CDIN1: variants seen among roughly 807,000 people sequenced by gnomAD.
The protein encoded by CDIN1 is CDAN1-interacting nuclease 1.
In CDIN1, 33 loss-of-function variants were observed where a neutral mutation model predicts 45.3. The ratio of observed to expected loss-of-function variants is 0.73; its 90% confidence interval spans 0.55 to 0.97. The LOEUF (loss-of-function observed/expected upper bound fraction) is 0.97. Among genes scored for constraint, CDIN1 ranks in the 50% least tolerant of loss-of-function variants. CDIN1 has a pLI of 0.00. For missense variants in CDIN1, 303 were observed against 339.4 expected (o/e 0.89, Z 0.84); for synonymous variants, 118 against 124.4 (o/e 0.95, Z 0.34).
intron 10 of CDIN1, among the ~76,000 whole-genome samples, chr15:36,727,036 T>C (rs1855724435): frequency 6.6e-6 from 1 of 152,130 alleles, no homozygotes; most frequent in Non-Finnish European, 1.5e-5. Context: ...CTTTTATAAA[T>C]TCTTAGTAAA....
At chr15:36,773,503 AG>A (rs1343701374) in intron 10 of CDIN1, among the ~76,000 whole-genome samples, 2 of 152,204 alleles carry the variant, frequency 1.3e-5, no homozygotes, top group Non-Finnish European at 2.9e-5. Context: ...TGGACAGCAC[AG>A]GTCTAGATCT....
intron 5 of CDIN1, among the ~76,000 whole-genome samples, chr15:36,666,516 A>G (rs1944187011): frequency 6.6e-6 from 1 of 152,158 alleles, no homozygotes; most frequent in Non-Finnish European, 1.5e-5. Flanking sequence ...GTTCTTGGTT[A>G]TATTGTGCCT....
At chr15:36,627,303 G>A (rs1011696383) in intron 1 of CDIN1, 1 of 162,492 alleles carries the variant, frequency 6.2e-6, no homozygotes, top group Non-Finnish European at 1.4e-5. Flanking sequence ...CAGGAACTTG[G>A]AGCTGGAGAA....
chr15:36,654,293 C>T, intron 4 of CDIN1, 135 bp downstream of exon 4: 1 of 623,434 alleles, frequency 1.6e-6, no homozygotes, highest in Non-Finnish European at 2.8e-6. Context: ...AAATTGCTCC[C>T]TGATCTCTTT....
chr15:36,644,338 C>T lies in CDIN1; in HGVS notation c.147+15C>T. On this transcript the variant is annotated intron_variant, in intron 2 of 10. Transcript: ENST00000566621. The stretch of plus-strand genomic sequence containing the variant: ...AGGAGTACCAGGTTAGAAGTTTTCT[C>T]CTTTGTGAGGGTTGACAGGTGCCTA... 6.2e-7 allele frequency: 1 copy of T among 1,611,584 alleles called. No homozygotes were observed. The highest frequency in any genetic ancestry group is 1.1e-5 in the South Asian group (1 of 90,786).
chr15:36,773,369 C>G (rs1406940656), intron 10 of CDIN1, among the ~76,000 whole-genome samples: 1 of 152,218 alleles, frequency 6.6e-6, no homozygotes, highest in Non-Finnish European at 1.5e-5. Context: ...ACCATAATCA[C>G]TAGCCTTATA....
At chr15:36,776,465 C>G (rs2054220041) in intron 10 of CDIN1, among the ~76,000 whole-genome samples, 1 of 152,228 alleles carries the variant, frequency 6.6e-6, no homozygotes, top group African/African-American at 2.4e-5. Context: ...TTTCTACTTT[C>G]CCAGTTCTGC....
chr15:36,787,097 A>G (rs557684437), intron 10 of CDIN1, among the ~76,000 whole-genome samples: 3 of 152,076 alleles, frequency 2.0e-5, no homozygotes, highest in Admixed American at 6.6e-5. Context: ...CATCAGATTC[A>G]ATCTTTGTTT....
In CDIN1 at chr15:36,582,439, G is replaced by C. The variant is rs1272945448; in HGVS notation, c.101+2478G>C. On this transcript the variant is annotated intron_variant, in intron 1 of 10. Transcript: ENST00000566621. The stretch of plus-strand genomic sequence containing the variant: ...TTTAGTGAAAGTCTTGTTTTGTTTT[G>C]TTTTTCCTGCACGTGTGTGGCAGTG... Among the ~76,000 whole-genome samples, 3 of 152,096 alleles carry C rather than the reference G, an allele frequency of 2.0e-5. No individual in the cohort carries two copies. In the East Asian group the frequency reaches 5.8e-4, roughly 29 times the overall value.
intron 10 of CDIN1, among the ~76,000 whole-genome samples, chr15:36,791,028 G>A (rs118052972): frequency 0.027 from 4,168 of 152,200 alleles, 77 homozygotes; most frequent in Non-Finnish European, 0.042. Flanking sequence ...AGGTCCCAGT[G>A]TCTGTTGTTC....
rs367989849 is a variant in CDIN1 at position 36,657,859 on chromosome 15, T to G, written c.300T>G (p.Ala100=). The G allele has an allele frequency of 6.2e-7, 1 of 1,612,168 alleles. No homozygotes were observed. Among genetic ancestry groups the G allele is most frequent in the Non-Finnish European group, 8.5e-7 (1 of 1,179,124 alleles). ...NEVDYAPSLM[A]RLILERFLQE... ...TGGACTATGCGCCCTCATTAATGGC[T>G]CGGCTTATACTGGAGAGGTTTCTAC... The change falls in exon 5 of 11, where the codon GCT becomes GCG. Residue 100 remains alanine (A), a synonymous_variant. Coordinates refer to ENST00000566621, the MANE Select transcript of CDIN1 (RefSeq NM_001321759.2).
intron 1 of CDIN1, among the ~76,000 whole-genome samples, chr15:36,631,084 T>A (rs940663517): frequency 2.0e-5 from 3 of 152,186 alleles, no homozygotes; most frequent in Non-Finnish European, 4.4e-5. Context: ...ACTAGTATTT[T>A]GAAGGACTGA....
chr15:36,794,152 G>A (rs893168384), intron 10 of CDIN1, among the ~76,000 whole-genome samples: 53 of 146,994 alleles, frequency 3.6e-4, no homozygotes, highest in Middle Eastern at 3.9e-3. Flanking sequence ...TCCGCCTCCC[G>A]GGTTCACTCC....
At chr15:36,746,929 T>G (rs1288391425) in intron 10 of CDIN1, 2 of 398,310 alleles carry the variant, frequency 5.0e-6, no homozygotes, top group African/African-American at 4.1e-5. Flanking sequence ...TTTCTATGTT[T>G]TGTAGAGATG....
intron 1 of CDIN1, among the ~76,000 whole-genome samples, chr15:36,638,882 G>A (rs2040001410): frequency 2.6e-5 from 4 of 152,192 alleles, no homozygotes. Flanking sequence ...ATGATTTGCA[G>A]AACTCATTTC....
chr15:36,773,057 A>G (rs1161216500), intron 10 of CDIN1, among the ~76,000 whole-genome samples: 1 of 148,580 alleles, frequency 6.7e-6, no homozygotes, highest in Non-Finnish European at 1.5e-5. Context: ...CTCATTCTTC[A>G]TCCTGTTTGT....
intron 1 of CDIN1, chr15:36,614,229 C>G: frequency 1.6e-6 from 1 of 624,904 alleles, no homozygotes; most frequent in Non-Finnish European, 3.1e-6. Flanking sequence ...TGCTGCTGCT[C>G]CTCCCTCTGA....
At chr15:36,651,055 T>G (rs1167107460) in intron 3 of CDIN1, among the ~76,000 whole-genome samples, 2 of 151,842 alleles carry the variant, frequency 1.3e-5, no homozygotes, top group Non-Finnish European at 2.9e-5. Flanking sequence ...AGAGCAAGAC[T>G]TCATCTCAAA....
intron 1 of CDIN1, among the ~76,000 whole-genome samples, chr15:36,623,440 C>G (rs1030885654): frequency 6.6e-6 from 1 of 152,130 alleles, no homozygotes; most frequent in African/African-American, 2.4e-5. Flanking sequence ...TGCATGTTAA[C>G]TTTATCGAAT....
Sources: allele counts gnomAD v4.1 joint callset (sites outside exome capture counted in the v4.1 genomes callset), GRCh38; gene constraint gnomAD v4.1.1; transcripts MANE v1.5; gene names NCBI Gene and HGNC (gene_info 2026-07-23, HGNC 2026-07-21).